The following TIMM50 variants were observed in gnomAD, a reference collection of about 807,000 sequenced individuals.
TIMM50 encodes translocase of inner mitochondrial membrane 50.
In TIMM50, 34 loss-of-function variants were observed where a neutral mutation model predicts 49.6. The observed-to-expected ratio is 0.69, with a 90% CI of 0.52 to 0.91. The LOEUF is 0.91. TIMM50 is among the 40% of genes least tolerant of loss of function. The probability of loss-of-function intolerance (pLI) is 0.00; values close to 1 mark genes in which losing one functional copy is unlikely to be tolerated. For synonymous variants in TIMM50, 199 were observed against 198.4 expected, an observed-to-expected ratio of 1.00 and a Z score of -0.03; for missense variants, 458 against 477.8, an observed-to-expected ratio of 0.96 and a Z score of 0.39.
At chr19:39,487,450 T>C (rs2079514206) in intron 8 of TIMM50, among the ~76,000 whole-genome samples, 3 of 151,680 alleles carry the variant, frequency 2.0e-5, no homozygotes, top group Admixed American at 2.0e-4. Context: ...TTTTTATTTT[T>C]ATTTTTATTT....
At chr19:39,482,111 C>A in intron 2 of TIMM50, 78 bp downstream of exon 2, 1 of 1,541,326 alleles carries the variant, frequency 6.5e-7, no homozygotes, top group Non-Finnish European at 8.8e-7. Context: ...CTCTTGCCCA[C>A]TACCAGCTTC....
In TIMM50 at chr19:39,489,861, C is replaced by T. The variant is rs772586782; in HGVS notation, c.*41C>T. The T allele has an allele frequency of 1.3e-6, 2 of 1,552,876 alleles. No individual in the cohort carries two copies. The highest frequency in any genetic ancestry group is 2.3e-5 in the East Asian group (1 of 43,246). ...AAACTCAGTGCCTGGGTCCAGGGCC[C>T]CAGTGCTTCCAGACCAAGACTTGGG... is the stretch of plus-strand genomic sequence containing the variant. On this transcript the variant is annotated 3_prime_UTR_variant, in exon 11 of 11. Coordinates refer to ENST00000607714, the MANE Select transcript of TIMM50 (RefSeq NM_001001563.5).
rs775572861 is a variant in TIMM50, at chr19:39,482,748, CCTCCTGGCTTGA to C, written c.260-132_260-121del. 154 of 1,109,380 alleles carry C rather than the reference CCTCCTGGCTTGA, an allele frequency of 1.4e-4. 2 individuals carry two copies. The highest frequency in any genetic ancestry group is 7.3e-4 in the South Asian group (52 of 71,558). The allele number at this position is 1,109,380 out of a possible 1,614,324, so 68.7% of individuals were successfully genotyped here. A position where few individuals can be genotyped will look rare whatever the true frequency, so the allele number is the denominator to read the frequency against. On this transcript the variant is annotated intron_variant, in intron 2 of 10. Coordinates refer to ENST00000607714, the MANE Select transcript of TIMM50 (RefSeq NM_001001563.5). The stretch of plus-strand genomic sequence containing the variant: ...ACCCAGGAATCTTGGCTCCCAGCCC[CCTCCTGGCTTGA>C]CTCCAGGAGGCTGTGCCTCTCTCTT...
rs987435980 is a variant in TIMM50 at position 39,490,855 on chromosome 19, C to T, written c.*1035C>T. The T allele has an allele frequency of 1.3e-5, 2 of 151,784 alleles. No individual in the cohort carries two copies. Among genetic ancestry groups the T allele is most frequent in the African/African-American group, 4.8e-5 (2 of 41,344 alleles). The allele number at this position is 151,784 out of a possible 1,614,324, so 9.4% of individuals were successfully genotyped here. ...TCAACATGGAGAAACCCCATCTCTA[C>T]TAAAAATACAAAATTAGCTGGGCGT... On this transcript the variant is annotated 3_prime_UTR_variant, in exon 11 of 11. Coordinates refer to ENST00000607714, the MANE Select transcript of TIMM50 (RefSeq NM_001001563.5).
Position 39,488,088 on chromosome 19 carries a change from G to A in TIMM50, c.724G>A (p.Ala242Thr). The stretch of plus-strand genomic sequence containing the variant: ...TATTTCATGTCTGAATCGGGACCCA[G>A]CTCGAGTAGTAGTTGTGGACTGCAA... The part of the protein sequence containing the change: ...KDISCLNRDP[A>T]RVVVVDCKKE... The change falls in exon 9 of 11, where the codon GCT (alanine) becomes ACT (threonine). Residue 242 changes from alanine to threonine, a missense_variant. Ala to Thr is a moderately conservative substitution (Grantham distance 58). Coordinates refer to ENST00000607714, the MANE Select transcript of TIMM50 (RefSeq NM_001001563.5). 1.2e-6 allele frequency: 2 copies of A among 1,611,772 alleles called. No individual in the cohort carries two copies. Among genetic ancestry groups the A allele is most frequent in the Non-Finnish European group, 1.7e-6 (2 of 1,178,018 alleles).
chr19:39,486,512 G>T lies in TIMM50; in HGVS notation c.696+17G>T, dbSNP rs1374843729. The T allele has an allele frequency of 1.9e-6, 3 of 1,612,532 alleles. No individual in the cohort carries two copies. Among genetic ancestry groups the T allele is most frequent in the Non-Finnish European group, 2.5e-6 (3 of 1,178,550 alleles). ...CATGTAAAGGTGCCGTGGGTTCATG[G>T]GTGGGCCTCTGGGATTTGGCGGAGT... On this transcript the variant is annotated intron_variant, in intron 8 of 10. Coordinates refer to ENST00000607714, the MANE Select transcript of TIMM50 (RefSeq NM_001001563.5).
intron 6 of TIMM50, 143 bp from the exon 7 acceptor site, chr19:39,486,044 T>A (rs4803246): frequency 9.4e-7 from 1 of 1,069,418 alleles, no homozygotes; most frequent in East Asian, 2.4e-5. Flanking sequence ...AGTCACAGCC[T>A]ATGAACTTCT....
intron 8 of TIMM50, 98 bp downstream of exon 8, chr19:39,486,593 T>C: frequency 8.9e-7 from 1 of 1,124,694 alleles, no homozygotes; most frequent in South Asian, 1.3e-5. Context: ...ACCTGGCTTA[T>C]GGTTCTGCCC....
At position 39,485,382 on chromosome 19, in the gene TIMM50, C is replaced by T. The variant is rs914001561; in HGVS notation, c.314-162C>T. 4.9e-5 allele frequency: 35 copies of T among 717,410 alleles called. 2 individuals are homozygous for T. The highest frequency in any genetic ancestry group is 3.7e-4 in the African/African-American group (21 of 56,676). 44.4% of individuals were successfully genotyped at this position (717,410 alleles called of 1,614,324 possible). Reference sequence around the variant, plus strand: ...TAAATAAATCTGTGTTCCTATCTGGCGGTATGTCATTGCCTTCTATCTTTG... The same window carrying T: ...TAAATAAATCTGTGTTCCTATCTGGTGGTATGTCATTGCCTTCTATCTTTG... On this transcript the variant is annotated intron_variant, in intron 4 of 10. Transcript: ENST00000607714.
chr19:39,481,345 G>A (rs183215064), intron 1 of TIMM50: 35 of 316,568 alleles, frequency 1.1e-4, no homozygotes, highest in Non-Finnish European at 1.8e-4. Context: ...AATTCGACTT[G>A]CCTCCATGTT....
At chr19:39,482,987 G>C in intron 3 of TIMM50, 71 bp downstream of exon 3, 2 of 1,611,824 alleles carry the variant, frequency 1.2e-6, no homozygotes, top group African/African-American at 1.3e-5. Flanking sequence ...CCTTTGGTCT[G>C]TTCAGGCACA....
chr19:39,488,415 C>T (rs1353578809), intron 9 of TIMM50, 124 bp from the exon 10 acceptor site: 6 of 1,078,782 alleles, frequency 5.6e-6, no homozygotes, highest in East Asian at 4.7e-5. Flanking sequence ...CCTTTCAGAG[C>T]GTTCAGAAGC....
At position 39,491,896 on chromosome 19, in the gene TIMM50, G is replaced by A. The variant is rs2079548177; in HGVS notation, c.*2076G>A. ...AGTCAGGGTCTCGCTGTGTCGCCCA[G>A]GCTGGAGCACAGTGGTGTAACTATA... On this transcript the variant is annotated 3_prime_UTR_variant, in exon 11 of 11. Transcript: ENST00000607714. 1 of 150,012 alleles carries A rather than the reference G, an allele frequency of 6.7e-6. No homozygotes were observed. The highest frequency in any genetic ancestry group is 2.5e-5 in the African/African-American group (1 of 40,720). 9.3% of individuals were successfully genotyped at this position (150,012 alleles called of 1,614,324 possible). A position where few individuals can be genotyped will look rare whatever the true frequency, so the allele number is the denominator to read the frequency against.
chr19:39,483,251 C>T, intron 4 of TIMM50, 95 bp downstream of exon 4: 1 of 1,527,002 alleles, frequency 6.5e-7, no homozygotes, highest in Non-Finnish European at 9.0e-7. Flanking sequence ...TCCGGCCCCT[C>T]CTCCTTCCAC....
In TIMM50 at chr19:39,488,677, G is replaced by A. The variant is rs764685037; in HGVS notation, c.960+32G>A. On this transcript the variant is annotated intron_variant, in intron 10 of 10. Coordinates refer to ENST00000607714, the MANE Select transcript of TIMM50 (RefSeq NM_001001563.5). Reference sequence around the variant, plus strand: ...GCTCAGATGCCCAGAGTGGAGGATCGGCTCTGAGGCTCCTGAAGGAGGAGC... The same window carrying A: ...GCTCAGATGCCCAGAGTGGAGGATCAGCTCTGAGGCTCCTGAAGGAGGAGC... 10 of 1,566,976 alleles carry A rather than the reference G, an allele frequency of 6.4e-6. No homozygotes were observed. In the Admixed American group the frequency reaches 1.5e-4, roughly 24 times the overall value.
intron 4 of TIMM50, 170 bp downstream of exon 4, chr19:39,483,326 C>A: frequency 1.2e-6 from 1 of 802,428 alleles, no homozygotes; most frequent in East Asian, 2.6e-5. Context: ...AGCCCAAGCC[C>A]ACTTCCCTGG....
chr19:39,483,672 G>GT (rs2079486885), intron 4 of TIMM50: 1 of 155,514 alleles, frequency 6.4e-6, no homozygotes, highest in African/African-American at 2.4e-5. Flanking sequence ...AAAGCCACCT[G>GT]TTTATGCTGG....
chr19:39,486,784 C>T (rs2079510387), intron 8 of TIMM50, among the ~76,000 whole-genome samples: 1 of 152,210 alleles, frequency 6.6e-6, no homozygotes, highest in South Asian at 2.1e-4. Flanking sequence ...CTTGCTGTGT[C>T]TGTAACTTAG....
Position 39,488,110 on chromosome 19 carries a change from G to A in TIMM50, c.746G>A (p.Cys249Tyr). ...RDPARVVVVD[C>Y]KKEAFRLQPY... ...CCAGCTCGAGTAGTAGTTGTGGACT[G>A]CAAGAAGGAAGCCTTCCGCCTGCAG... The change falls in exon 9 of 11, where the codon TGC becomes TAC. Residue 249 changes from cysteine to tyrosine, a missense_variant. Physicochemically the swap from Cys to Tyr is radical, Grantham distance 194. Transcript: ENST00000607714. 1.2e-6 allele frequency: 2 copies of A among 1,613,864 alleles called. No individual in the cohort carries two copies. The highest frequency in any genetic ancestry group is 1.7e-6 in the Non-Finnish European group (2 of 1,179,766).
Sources: allele counts gnomAD v4.1 joint callset (sites outside exome capture counted in the v4.1 genomes callset), GRCh38; gene constraint gnomAD v4.1.1; transcripts MANE v1.5; gene names NCBI Gene and HGNC (gene_info 2026-07-23, HGNC 2026-07-21).